The following NMNAT1 variants were observed in gnomAD, a reference collection of about 807,000 sequenced individuals.
The protein encoded by NMNAT1 is nicotinamide/nicotinic acid mononucleotide adenylyltransferase 1.
NMNAT1 carries 11 observed loss-of-function variants against 16.7 expected under a neutral mutation model. The ratio of observed to expected loss-of-function variants is 0.66; its 90% confidence interval spans 0.41 to 1.09. NMNAT1 has a LOEUF of 1.09. Among genes scored for constraint, NMNAT1 ranks in the 50% least tolerant of loss-of-function variants. The pLI, the probability that NMNAT1 is intolerant of heterozygous loss-of-function variation, is 0.00. For missense variants in NMNAT1, 280 were observed against 332.3 expected (o/e 0.84, Z 1.22); for synonymous variants, 110 against 119.8 (o/e 0.92, Z 0.53).
intron 1 of NMNAT1, among the ~76,000 whole-genome samples, chr1:9,955,451 C>G (rs1641236465): frequency 8.8e-6 from 1 of 114,122 alleles, no homozygotes; most frequent in East Asian, 2.6e-4. Context: ...ACTAAAAATA[C>G]AAAATTAGCT....
Position 9,975,620 on chromosome 1 carries a change from C to T in NMNAT1, c.144C>T (p.Ile48=), listed in dbSNP as rs1243021116. 3 of 1,613,452 alleles carry T rather than the reference C, an allele frequency of 1.9e-6. No homozygotes were observed. The highest frequency in any genetic ancestry group is 2.5e-6 in the Non-Finnish European group (3 of 1,179,768). ...TGRYTVVKGI[I]SPVGDAYKKK... ...GGTACACAGTTGTCAAAGGCATCATCTCTCCTGTTGGTGATGCCTACAAGA... is the reference window on the plus strand; with the variant it reads ...GGTACACAGTTGTCAAAGGCATCATTTCTCCTGTTGGTGATGCCTACAAGA... Residue 48 remains isoleucine (I), a synonymous_variant, in exon 3 of 5, where the codon ATC becomes ATT. Coordinates refer to ENST00000377205, the MANE Select transcript of NMNAT1 (RefSeq NM_022787.4).
intron 1 of NMNAT1, among the ~76,000 whole-genome samples, chr1:9,970,702 A>G (rs1277649005): frequency 1.3e-5 from 2 of 152,060 alleles, no homozygotes; most frequent in East Asian, 3.8e-4. Flanking sequence ...AAAAAAAAAA[A>G]AGAAATTTTA....
chr1:9,987,635 G>A (rs144209151), downstream of NMNAT1, among the ~76,000 whole-genome samples: 2,741 of 151,830 alleles, frequency 0.018, 37 homozygotes, highest in Non-Finnish European at 0.028. Context: ...GCAAGACTCC[G>A]TCTCAAAATA....
chr1:9,991,642 C>A, the NMNAT1 span, among the ~76,000 whole-genome samples: 1 of 152,072 alleles, frequency 6.6e-6, no homozygotes, highest in African/African-American at 2.4e-5. Context: ...GTGCTAGACC[C>A]TGGAGATACA....
intron 3 of NMNAT1, among the ~76,000 whole-genome samples, chr1:9,976,286 CA>C (rs554511251): frequency 0.047 from 2,756 of 58,564 alleles, 24 homozygotes; most frequent in Non-Finnish European, 0.062. Context: ...GACTCCATCT[CA>C]AAAAAAAAAA....
intron 1 of NMNAT1, among the ~76,000 whole-genome samples, chr1:9,944,292 G>A (rs12058979): frequency 0.087 from 13,224 of 151,890 alleles, 804 homozygotes; most frequent in East Asian, 0.21. Flanking sequence ...TGGCTGTCGC[G>A]GTGTGACACC....
intron 3 of NMNAT1, among the ~76,000 whole-genome samples, chr1:9,977,040 G>A (rs1360912205): frequency 6.6e-6 from 1 of 151,534 alleles, no homozygotes; most frequent in African/African-American, 2.4e-5. Flanking sequence ...CCAAGTAGCT[G>A]GGATTACAGG....
At chr1:9,970,943 A>G (rs1641674496) in intron 1 of NMNAT1, among the ~76,000 whole-genome samples, 4 of 152,328 alleles carry the variant, frequency 2.6e-5, no homozygotes, top group Admixed American at 2.6e-4. Flanking sequence ...CTTGAGTGAC[A>G]TATGATAATG....
In NMNAT1 at chr1:9,982,280, G is replaced by A. The variant is rs1407290291; in HGVS notation, c.440-21G>A. On this transcript the variant is annotated intron_variant, in intron 4 of 4. Transcript: ENST00000377205. The stretch of plus-strand genomic sequence containing the variant: ...AGGGGAAGAAAAAGCATACCCCAAA[G>A]CTCTGTTTTATTCTTCCCAGCTGTG... 1.9e-6 allele frequency: 3 copies of A among 1,589,362 alleles called. No homozygotes were observed. In the Admixed American group the frequency reaches 5.3e-5, roughly 28 times the overall value.
At chr1:9,991,870 C>T in the NMNAT1 span, among the ~76,000 whole-genome samples, 1 of 151,662 alleles carries the variant, frequency 6.6e-6, no homozygotes, top group East Asian at 1.9e-4. Context: ...TTTCTGTCCA[C>T]ATTCTAAACC....
At chr1:9,959,308 G>A (rs527745282) in intron 1 of NMNAT1, among the ~76,000 whole-genome samples, 1 of 150,368 alleles carries the variant, frequency 6.7e-6, no homozygotes, top group Non-Finnish European at 1.5e-5. Context: ...GGAGGCAGAG[G>A]TTGCAGTGAG....
intron 1 of NMNAT1, among the ~76,000 whole-genome samples, chr1:9,946,425 G>C (rs530723489): frequency 6.6e-6 from 1 of 152,312 alleles, no homozygotes; most frequent in Non-Finnish European, 1.5e-5. Context: ...AATGCTCCTT[G>C]GCAGCGGGAG....
chr1:9,992,087 ATT>A, the NMNAT1 span, among the ~76,000 whole-genome samples: 2 of 139,718 alleles, frequency 1.4e-5, no homozygotes, highest in Non-Finnish European at 3.0e-5. Flanking sequence ...TTAGGTTTAG[ATT>A]TTTTTTTTTT....
chr1:9,982,826 G>A lies in NMNAT1; in HGVS notation c.*125G>A, dbSNP rs1048241611. 1.8e-5 allele frequency: 19 copies of A among 1,082,960 alleles called. No homozygotes were observed. Among genetic ancestry groups the A allele is most frequent in the South Asian group, 6.7e-5 (4 of 59,580 alleles). The allele number at this position is 1,082,960 out of a possible 1,614,324, so 67.1% of individuals were successfully genotyped here. A position where few individuals can be genotyped will look rare whatever the true frequency, so the allele number is the denominator to read the frequency against. On this transcript the variant is annotated 3_prime_UTR_variant, in exon 5 of 5. Transcript: ENST00000377205. ...AAAGCTTAAAAGTTTAGTAAAAATC[G>A]TCTGGGCACAGTGGCTCACGCCTGT...
intron 2 of NMNAT1, among the ~76,000 whole-genome samples, chr1:9,974,673 C>G (rs887026686): frequency 6.6e-5 from 10 of 152,020 alleles, no homozygotes; most frequent in Non-Finnish European, 1.5e-4. Context: ...CAGGAGTGAG[C>G]CACCGCGCCT....
At chr1:9,971,102 G>A (rs912166922) in intron 1 of NMNAT1, among the ~76,000 whole-genome samples, 1 of 152,124 alleles carries the variant, frequency 6.6e-6, no homozygotes, top group Non-Finnish European at 1.5e-5. Flanking sequence ...CCCCACATGT[G>A]GGGTGGTTGT....
At chr1:9,962,330 AAAT>A (rs979654329) in intron 1 of NMNAT1, among the ~76,000 whole-genome samples, 18 of 151,474 alleles carry the variant, frequency 1.2e-4, no homozygotes, top group Non-Finnish European at 2.5e-4. Flanking sequence ...AAAATACAAA[AAAT>A]TAGCCCGGCG....
chr1:9,979,075 A>T (rs1298984124), intron 3 of NMNAT1, among the ~76,000 whole-genome samples: 1 of 152,214 alleles, frequency 6.6e-6, no homozygotes, highest in African/African-American at 2.4e-5. Context: ...ATGGGGTAAT[A>T]AACAATTCTG....
At chr1:9,970,834 TG>T (rs1195208667) in intron 1 of NMNAT1, among the ~76,000 whole-genome samples, 1 of 152,182 alleles carries the variant, frequency 6.6e-6, no homozygotes, top group Non-Finnish European at 1.5e-5. Context: ...AAAGTTATGA[TG>T]TTACTATCAT....
Sources: gnomAD v4.1 joint callset for allele counts (sites outside exome capture counted in the v4.1 genomes callset) on GRCh38, gnomAD v4.1.1 for gene constraint, MANE v1.5 for transcripts, NCBI Gene and HGNC (gene_info 2026-07-23, HGNC 2026-07-21) for gene names.